The following UTRN variants were observed in gnomAD, a reference collection of about 807,000 sequenced individuals.
UTRN encodes utrophin.
UTRN carries 283 observed loss-of-function variants against 463.9 expected under a neutral mutation model. That is an observed-to-expected ratio of 0.61 (90% CI 0.55 to 0.67). UTRN has a LOEUF of 0.67. UTRN is among the 30% of genes least tolerant of loss of function. UTRN has a pLI of 0.00. For synonymous variants in UTRN, 1,442 were observed against 1,431.5 expected (o/e 1.01, Z -0.17); for missense variants, 3,922 against 4,084.3 (o/e 0.96, Z 1.08).
chr6:144,685,545 A>G lies in UTRN; in HGVS notation c.7652+6967A>G, dbSNP rs149179449. On this transcript the variant is annotated intron_variant, in intron 52 of 74. Transcript: ENST00000367545. ...ACATCTATTGTTTTTTGACTTTTTAATAATGGCCGTTCTGGTCAGGGTAAG... is the reference window on the plus strand; with the variant it reads ...ACATCTATTGTTTTTTGACTTTTTAGTAATGGCCGTTCTGGTCAGGGTAAG... Among the ~76,000 whole-genome samples the G allele has an allele frequency of 2.8e-3, 423 of 152,256 alleles. 1 individual carries two copies. The highest frequency in any genetic ancestry group is 9.5e-3 in the African/African-American group (395 of 41,548).
intron 2 of UTRN, among the ~76,000 whole-genome samples, chr6:144,370,755 C>T (rs561956212): frequency 1.2e-4 from 18 of 152,300 alleles, no homozygotes; most frequent in Middle Eastern, 3.4e-3. Context: ...ACCACAGGGT[C>T]GGAGCTGCCC....
chr6:144,463,160 C>T (rs1000602529), intron 23 of UTRN, among the ~76,000 whole-genome samples: 2 of 152,146 alleles, frequency 1.3e-5, no homozygotes, highest in African/African-American at 2.4e-5. Flanking sequence ...GTGTGAAATA[C>T]AGACTGTTGA....
intron 64 of UTRN, among the ~76,000 whole-genome samples, chr6:144,799,199 C>T (rs901254923): frequency 1.5e-4 from 23 of 152,166 alleles, no homozygotes; most frequent in Admixed American, 1.3e-3. Flanking sequence ...CTGACTTTAT[C>T]AGCATAATAG....
At chr6:144,806,567 AG>A in intron 65 of UTRN, among the ~76,000 whole-genome samples, 4 of 102,114 alleles carry the variant, frequency 3.9e-5, no homozygotes, top group East Asian at 3.3e-4. Context: ...CTATTATTGT[AG>A]CATTAATGTC....
rs1287262507 is a variant in UTRN at position 144,667,395 on chromosome 6, A to T, written c.7480-11011A>T. On this transcript the variant is annotated intron_variant, in intron 51 of 74. Transcript: ENST00000367545. Reference sequence around the variant, plus strand: ...CTTCTCTTCAATGTGAAAGGAATCAAATAGGTCAAACCACATCAGGATGTT... The same window carrying T: ...CTTCTCTTCAATGTGAAAGGAATCATATAGGTCAAACCACATCAGGATGTT... Among the ~76,000 whole-genome samples the T allele has an allele frequency of 2.0e-5, 3 of 152,110 alleles. No individual in the cohort carries two copies. The East Asian group carries it at 5.8e-4, about 29-fold the overall frequency.
chr6:144,469,917 C>T (rs1443672119), intron 23 of UTRN, among the ~76,000 whole-genome samples: 1 of 151,974 alleles, frequency 6.6e-6, no homozygotes, highest in Non-Finnish European at 1.5e-5. Flanking sequence ...AACGAGCATG[C>T]TGCCTTCAAG....
chr6:144,489,592 G>A (rs1181742689), intron 30 of UTRN, among the ~76,000 whole-genome samples: 2 of 152,110 alleles, frequency 1.3e-5, no homozygotes, highest in Non-Finnish European at 2.9e-5. Flanking sequence ...ATACCATGCA[G>A]TGGGCCATAT....
At chr6:144,446,575 T>C (rs1787714825) in intron 14 of UTRN, among the ~76,000 whole-genome samples, 1 of 152,232 alleles carries the variant, frequency 6.6e-6, no homozygotes, top group Non-Finnish European at 1.5e-5. Flanking sequence ...CAGGATTATC[T>C]CTCTACATGA....
chr6:144,764,666 A>G (rs765765119), intron 58 of UTRN, among the ~76,000 whole-genome samples: 1 of 152,232 alleles, frequency 6.6e-6, no homozygotes, highest in Non-Finnish European at 1.5e-5. Context: ...TAGCAAAAGT[A>G]CAGAAGTAAT....
rs368591289 is a variant in UTRN at position 144,704,939 on chromosome 6, C to T, written c.7809+4696C>T. ...ATCACGCCACTGCACTCCAGCCTGG[C>T]GACACAGTGAGACTCCATCTCAAAA... is the stretch of plus-strand genomic sequence containing the variant. On this transcript the variant is annotated intron_variant, in intron 53 of 74. Coordinates refer to ENST00000367545, the MANE Select transcript of UTRN (RefSeq NM_007124.3). 5.2e-4 allele frequency among the ~76,000 whole-genome samples: 79 copies of T among 152,086 alleles called. 2 individuals are homozygous for T. Among genetic ancestry groups the T allele is most frequent in the Middle Eastern group, 3.4e-3 (1 of 294 alleles).
chr6:144,375,319 A>G (rs1375787623), intron 2 of UTRN, among the ~76,000 whole-genome samples: 3 of 152,196 alleles, frequency 2.0e-5, no homozygotes, highest in African/African-American at 7.2e-5. Flanking sequence ...GAGCTAAATG[A>G]TATTTATGCA....
At chr6:144,287,225 A>T (rs1424737931) in intron 1 of UTRN, among the ~76,000 whole-genome samples, 4 of 151,910 alleles carry the variant, frequency 2.6e-5, no homozygotes, top group Non-Finnish European at 5.9e-5. Context: ...TTGGCGTGGA[A>T]CCATTCCCCG....
At chr6:144,313,276 C>T (rs1775057110) in intron 2 of UTRN, among the ~76,000 whole-genome samples, 1 of 151,180 alleles carries the variant, frequency 6.6e-6, no homozygotes, top group Non-Finnish European at 1.5e-5. Flanking sequence ...ACTCATCTTG[C>T]TGCAAGGGAG....
chr6:144,831,646 G>A (rs1005710166), intron 69 of UTRN, among the ~76,000 whole-genome samples: 12 of 152,136 alleles, frequency 7.9e-5, no homozygotes, highest in Non-Finnish European at 1.6e-4. Flanking sequence ...TTGATGTTAC[G>A]AATACTACAT....
intron 51 of UTRN, among the ~76,000 whole-genome samples, chr6:144,639,392 T>C (rs1777533576): frequency 6.6e-6 from 1 of 152,216 alleles, no homozygotes; most frequent in Non-Finnish European, 1.5e-5. Flanking sequence ...TCATTTTCAC[T>C]GGATATACTC....
chr6:144,487,678 A>G lies in UTRN; in HGVS notation c.3953A>G (p.Tyr1318Cys), dbSNP rs1792602328. Residue 1318 changes from tyrosine (Y) to cysteine (C), a missense_variant, in exon 29 of 75, where the codon TAT becomes TGT. Physicochemically the swap from Tyr to Cys is radical, Grantham distance 194 (BLOSUM62 -2). Around this residue, in one of 3 missense-constraint regions of UTRN, gnomAD observed 2,349 missense variants for 2,303.8 expected, o/e 1.02. Coordinates refer to ENST00000367545, the MANE Select transcript of UTRN (RefSeq NM_007124.3). Reference protein sequence around the residue: ...SEKLEAFNSRYEDLSHLAESK... With the variant: ...SEKLEAFNSRCEDLSHLAESK... ...AAACTGGAGGCTTTCAACAGCCGAT[A>G]TGAAGATCTAAGTCACCTGGTAAGA... 1 of 1,612,548 alleles carries G rather than the reference A, an allele frequency of 6.2e-7. No individual in the cohort carries two copies. Among genetic ancestry groups the G allele is most frequent in the Non-Finnish European group, 8.5e-7 (1 of 1,179,090 alleles).
intron 69 of UTRN, among the ~76,000 whole-genome samples, chr6:144,834,377 A>G (rs1780929818): frequency 6.6e-6 from 1 of 152,182 alleles, no homozygotes; most frequent in African/African-American, 2.4e-5. Flanking sequence ...AAGCAAAATA[A>G]ATCAACAAGT....
chr6:144,465,520 A>G (rs1414514917), intron 23 of UTRN, among the ~76,000 whole-genome samples: 1 of 152,082 alleles, frequency 6.6e-6, no homozygotes. Flanking sequence ...TACTTTTTTT[A>G]TTTGCTTCTT....
intron 42 of UTRN, 36 bp from the exon 43 acceptor site, chr6:144,533,049 T>C (rs1191628132): frequency 3.3e-6 from 4 of 1,194,064 alleles, no homozygotes; most frequent in Admixed American, 1.8e-5. Context: ...CATTTACTTA[T>C]TAGTGAAACT....
Sources: allele counts gnomAD v4.1 joint callset (sites outside exome capture counted in the v4.1 genomes callset), GRCh38; gene constraint gnomAD v4.1.1; regional missense constraint gnomAD v4.1.1; transcripts MANE v1.5; gene names NCBI Gene and HGNC (gene_info 2026-07-23, HGNC 2026-07-21).